Variants in MAP4 observed in about 807,000 individuals in gnomAD.
MAP4 encodes microtubule associated protein 4, also known as microtubule-associated protein 4.
A neutral mutation model predicts 170.2 loss-of-function variants in MAP4; 76 were observed. That is an observed-to-expected ratio of 0.45 (90% CI 0.37 to 0.54). The LOEUF is 0.54. Ranked by LOEUF, MAP4 falls within the 20% of genes least tolerant of loss-of-function variation. The pLI is 0.00. For synonymous variants in MAP4, 909 were observed against 994.5 expected, an observed-to-expected ratio of 0.91 and a Z score of 1.62; for missense variants, 2,506 against 2,748.0, an observed-to-expected ratio of 0.91 and a Z score of 1.97.
At chr3:48,052,252 C>G (rs1027818288) in intron 1 of MAP4, among the ~76,000 whole-genome samples, 2 of 152,106 alleles carry the variant, frequency 1.3e-5, no homozygotes, top group Non-Finnish European at 2.9e-5. Flanking sequence ...GACAGAGTCT[C>G]GCTCTGTCGC....
rs1476037817 is a variant in MAP4 at position 47,853,173 on chromosome 3, G to A, written c.6876C>T (p.Ile2292=). The A allele has an allele frequency of 1.3e-6, 2 of 1,592,108 alleles. No homozygotes were observed. Among genetic ancestry groups the A allele is most frequent in the African/African-American group, 1.3e-5 (1 of 74,236 alleles). The change falls in exon 20 of 21, where the codon ATC becomes ATT. Residue 2292 remains isoleucine, a synonymous_variant. Transcript: ENST00000683076. ...AGCCCAGCCACTTACTTGTCTCCTG[G>A]ATCTGGCTGTCCAAGGTCTGGGCCT... The part of the protein sequence containing the change: ...QREAQTLDSQ[I]QETN
chr3:47,943,930 T>A (rs2100058067), intron 3 of MAP4, among the ~76,000 whole-genome samples: 1 of 152,066 alleles, frequency 6.6e-6, no homozygotes. Context: ...ATAGTTTCAG[T>A]ATTCTACCTC....
At chr3:47,976,316 T>C (rs2100082145) in intron 3 of MAP4, among the ~76,000 whole-genome samples, 1 of 152,208 alleles carries the variant, frequency 6.6e-6, no homozygotes, top group Non-Finnish European at 1.5e-5. Flanking sequence ...TACTAAGGCC[T>C]GGCAGCGGTA....
intron 12 of MAP4, among the ~76,000 whole-genome samples, chr3:47,874,351 C>A (rs2094527975): frequency 6.6e-6 from 1 of 152,122 alleles, no homozygotes; most frequent in African/African-American, 2.4e-5. Flanking sequence ...TGCCTGTAAT[C>A]CCAGCTACTC....
At chr3:48,051,310 G>A (rs1219447086) in intron 1 of MAP4, among the ~76,000 whole-genome samples, 3 of 152,100 alleles carry the variant, frequency 2.0e-5, no homozygotes, top group Non-Finnish European at 4.4e-5. Flanking sequence ...CTACCAGGAG[G>A]CTGAGGCAGG....
intron 10 of MAP4, chr3:47,892,679 G>C: frequency 3.6e-6 from 5 of 1,376,312 alleles, no homozygotes; most frequent in Non-Finnish European, 4.7e-6. Flanking sequence ...AAGAAAGAAA[G>C]AAAGGAAGAA....
At chr3:47,915,824 G>A (rs1478930817) in intron 7 of MAP4, 127 bp downstream of exon 7, 3 of 1,001,662 alleles carry the variant, frequency 3.0e-6, no homozygotes, top group Non-Finnish European at 4.3e-6. Flanking sequence ...AGGAGAGCAG[G>A]AGTATGAATA....
intron 1 of MAP4, among the ~76,000 whole-genome samples, chr3:48,088,067 C>T (rs1364918774): frequency 6.6e-6 from 1 of 152,154 alleles, no homozygotes; most frequent in Non-Finnish European, 1.5e-5. Context: ...GACAATTTCA[C>T]CAAAGGGATC....
intron 1 of MAP4, among the ~76,000 whole-genome samples, chr3:48,023,942 T>C (rs1381874773): frequency 6.6e-6 from 1 of 152,142 alleles, no homozygotes; most frequent in East Asian, 1.9e-4. Flanking sequence ...TCCAAGAAAT[T>C]TGGAAGTAAA....
intron 1 of MAP4, among the ~76,000 whole-genome samples, chr3:48,010,023 C>A (rs149984338): frequency 2.0e-5 from 3 of 152,130 alleles, no homozygotes; most frequent in African/African-American, 7.2e-5. Flanking sequence ...AACTTCACAA[C>A]GGAAGTAAGG....
At chr3:47,969,133 T>C (rs1356018738) in intron 3 of MAP4, among the ~76,000 whole-genome samples, 4 of 152,212 alleles carry the variant, frequency 2.6e-5, no homozygotes, top group African/African-American at 9.6e-5. Context: ...CCTGGCTAGG[T>C]GCAGTGGCTC....
chr3:47,853,440 C>T (rs1286490091), intron 19 of MAP4, 88 bp from the exon 20 acceptor site: 11 of 941,958 alleles, frequency 1.2e-5, no homozygotes, highest in Non-Finnish European at 1.7e-5. Flanking sequence ...ACACACAGCC[C>T]CCACCCTTGC....
chr3:48,004,665 G>A (rs1455638973), intron 1 of MAP4, among the ~76,000 whole-genome samples: 2 of 152,216 alleles, frequency 1.3e-5, no homozygotes, highest in Middle Eastern at 3.2e-3. Context: ...GCCACCTGAG[G>A]TGTCTACTGC....
chr3:47,952,257 G>T (rs1386512999), intron 3 of MAP4, among the ~76,000 whole-genome samples: 5 of 150,450 alleles, frequency 3.3e-5, no homozygotes, highest in Non-Finnish European at 7.4e-5. Context: ...CGGGAGGGAG[G>T]TGGGGGGGTC....
At chr3:48,083,606 CTG>C (rs2100147660) in intron 1 of MAP4, among the ~76,000 whole-genome samples, 1 of 151,350 alleles carries the variant, frequency 6.6e-6, no homozygotes, top group African/African-American at 2.4e-5. Context: ...ACCTCTTGAT[CTG>C]CCCACCTCAG....
At chr3:47,883,650 G>T (rs1559893181) in intron 10 of MAP4, among the ~76,000 whole-genome samples, 1 of 152,204 alleles carries the variant, frequency 6.6e-6, no homozygotes, top group Non-Finnish European at 1.5e-5. Flanking sequence ...ATGTCTACTA[G>T]CAACAAATTC....
rs1200263243 is a variant in MAP4, at chr3:47,869,330, G to A, written c.6295-3C>T. 4 of 1,599,862 alleles carry A rather than the reference G, an allele frequency of 2.5e-6. No individual in the cohort carries two copies. The East Asian group carries it at 6.7e-5, about 27-fold the overall frequency. ...TCTGTTTTTTTCTCTACTTTGGCCT[G>A]GATGGAGATAAAGGGAGGGCAAATT... On this transcript the variant is annotated splice_polypyrimidine_tract_variant and splice_region_variant and intron_variant, in intron 15 of 20. Coordinates refer to ENST00000683076, the MANE Select transcript of MAP4 (RefSeq NM_001385682.1).
At chr3:48,041,692 C>T (rs571633650) in intron 1 of MAP4, among the ~76,000 whole-genome samples, 39 of 152,182 alleles carry the variant, frequency 2.6e-4, no homozygotes, top group African/African-American at 8.2e-4. Context: ...CTGGGTGATG[C>T]GGTGCGACCC....
chr3:47,966,411 T>G (rs1240454073), intron 3 of MAP4, among the ~76,000 whole-genome samples: 1 of 151,796 alleles, frequency 6.6e-6, no homozygotes, highest in African/African-American at 2.4e-5. Flanking sequence ...CATGCCCGGC[T>G]AATTTTTTGT....
Sources: gnomAD v4.1 joint callset for allele counts (sites outside exome capture counted in the v4.1 genomes callset) on GRCh38, gnomAD v4.1.1 for gene constraint, MANE v1.5 for transcripts, NCBI Gene and HGNC (gene_info 2026-07-23, HGNC 2026-07-21) for gene names.